The following GALNT11 variants were observed in gnomAD, a reference collection of about 807,000 sequenced individuals.
GALNT11 encodes the protein polypeptide N-acetylgalactosaminyltransferase 11.
In GALNT11, 47 loss-of-function variants were observed where a neutral mutation model predicts 72.7. That is an observed-to-expected ratio of 0.65 (90% confidence interval 0.51 to 0.82). The LOEUF is 0.82. GALNT11 is among the 40% of genes least tolerant of loss of function. GALNT11 has a pLI of 0.00. For missense variants in GALNT11, 677 were observed against 778.4 expected (o/e 0.87, Z 1.55); for synonymous variants, 270 against 286.6 (o/e 0.94, Z 0.58).
chr7:152,100,672 AG>A, intron 2 of GALNT11, 125 bp from the exon 3 acceptor site: 1 of 1,212,384 alleles, frequency 8.2e-7, no homozygotes. Context: ...AGACAACCTA[AG>A]TTTGAGAAAA....
chr7:152,050,973 T>C (rs1250842331), intron 1 of GALNT11, among the ~76,000 whole-genome samples: 1 of 152,122 alleles, frequency 6.6e-6, no homozygotes, highest in African/African-American at 2.4e-5. Flanking sequence ...ATTCTCTTTC[T>C]GTGCCACAGG....
rs760143351 is a variant in GALNT11 at position 152,117,186 on chromosome 7, G to A, written c.1263G>A (p.Leu421=). Residue 421 remains leucine (L), a synonymous_variant, in exon 9 of 12, where the codon CTG becomes CTA. Coordinates refer to ENST00000430044, the MANE Select transcript of GALNT11 (RefSeq NM_022087.4). ...KEQYFSLRPD[L]KTKSYGNISE... ...AGTATTTTTCCTTAAGACCTGACCT[G>A]AAGACGAAAAGCTATGGCAATATCA... 3 of 1,611,644 alleles carry A rather than the reference G, an allele frequency of 1.9e-6. No individual in the cohort carries two copies. Among genetic ancestry groups the A allele is most frequent in the Non-Finnish European group, 8.5e-7 (1 of 1,179,428 alleles).
chr7:152,103,547 C>G, intron 4 of GALNT11: 1 of 351,672 alleles, frequency 2.8e-6, no homozygotes, highest in South Asian at 4.3e-5. Context: ...ACTGTAGGTT[C>G]ACAGGAAGTT....
chr7:152,054,467 C>T (rs1304152059), intron 1 of GALNT11, among the ~76,000 whole-genome samples: 1 of 136,960 alleles, frequency 7.3e-6, no homozygotes, highest in African/African-American at 2.7e-5. Flanking sequence ...ATGTAGATAA[C>T]ATGAAGTTTA....
intron 1 of GALNT11, among the ~76,000 whole-genome samples, chr7:152,052,692 C>T (rs868679069): frequency 2.0e-5 from 3 of 152,290 alleles, no homozygotes; most frequent in African/African-American, 7.2e-5. Flanking sequence ...CTTCCTCCTC[C>T]ACACAGTCCT....
intron 1 of GALNT11, among the ~76,000 whole-genome samples, chr7:152,028,280 T>G (rs139892410): frequency 6.6e-6 from 1 of 152,198 alleles, no homozygotes; most frequent in Non-Finnish European, 1.5e-5. Flanking sequence ...TTTAGAGTGC[T>G]GATTGCTCTG....
intron 2 of GALNT11, among the ~76,000 whole-genome samples, chr7:152,096,722 A>G (rs2086408735): frequency 6.6e-6 from 1 of 152,068 alleles, no homozygotes; most frequent in South Asian, 2.1e-4. Flanking sequence ...CTCAAAAAAA[A>G]AAAAAAAAAA....
At chr7:152,045,805 T>C (rs1235935232) in intron 1 of GALNT11, among the ~76,000 whole-genome samples, 3 of 152,006 alleles carry the variant, frequency 2.0e-5, no homozygotes, top group Non-Finnish European at 4.4e-5. Flanking sequence ...TCTTTTTTAT[T>C]GCTTTTCTTC....
intron 1 of GALNT11, among the ~76,000 whole-genome samples, chr7:152,070,560 AG>A (rs2084577935): frequency 6.6e-6 from 1 of 152,148 alleles, no homozygotes; most frequent in Admixed American, 6.5e-5. Flanking sequence ...CTTCAAAGCT[AG>A]CAGTAGGTCA....
At chr7:152,120,692 A>C in intron 10 of GALNT11, 139 bp from the exon 11 acceptor site, 1 of 723,784 alleles carries the variant, frequency 1.4e-6, no homozygotes, top group South Asian at 1.9e-5. Context: ...ACCAAGTTGA[A>C]ATCTGCTTCC....
intron 9 of GALNT11, 43 bp from the exon 10 acceptor site, chr7:152,118,635 C>T (rs1430208121): frequency 1.2e-5 from 19 of 1,576,836 alleles, no homozygotes; most frequent in African/African-American, 1.4e-5. Flanking sequence ...GGAGGCGTCT[C>T]TGGGATTGTT....
At position 152,111,831 on chromosome 7, in the gene GALNT11, C is replaced by G. The variant is rs113418290; in HGVS notation, c.1080+1186C>G. ...GGCCTAAGACCATCCTAGTTCATAC[C>G]TGTTCTCTTGGAAAAATAAATAGCT... On this transcript the variant is annotated intron_variant, in intron 7 of 11. Transcript: ENST00000430044. Among the ~76,000 whole-genome samples, 515 of 152,172 alleles carry G rather than the reference C, an allele frequency of 3.4e-3. 2 individuals carry two copies. The highest frequency in any genetic ancestry group is 0.011 in the African/African-American group (453 of 41,496).
At chr7:152,061,526 G>T (rs1392951490) in intron 1 of GALNT11, among the ~76,000 whole-genome samples, 1 of 152,178 alleles carries the variant, frequency 6.6e-6, no homozygotes, top group Non-Finnish European at 1.5e-5. Flanking sequence ...TGCTTTTGGT[G>T]TTTTAGACAT....
At chr7:152,097,894 T>G (rs541448205) in intron 2 of GALNT11, among the ~76,000 whole-genome samples, 4 of 152,210 alleles carry the variant, frequency 2.6e-5, no homozygotes, top group Non-Finnish European at 4.4e-5. Flanking sequence ...GGTTTTCTTC[T>G]GCGGTGCTGA....
intron 2 of GALNT11, among the ~76,000 whole-genome samples, chr7:152,099,317 G>A (rs1388607043): frequency 6.6e-6 from 1 of 151,606 alleles, no homozygotes; most frequent in African/African-American, 2.4e-5. Flanking sequence ...AAGGAACAGA[G>A]TTCTACTATT....
Position 152,094,972 on chromosome 7 carries a change from T to C in GALNT11, c.295+450T>C, listed in dbSNP as rs2086281584. Among the ~76,000 whole-genome samples the C allele has an allele frequency of 6.6e-6, 1 of 152,202 alleles. No individual in the cohort carries two copies. The highest frequency in any genetic ancestry group is 1.5e-5 in the Non-Finnish European group (1 of 68,040). On this transcript the variant is annotated intron_variant, in intron 2 of 11. Transcript: ENST00000430044. This position sits in a 1 kb window ranked among gnomAD's most constrained non-coding sequence, Gnocchi z 4.3. ...AGAAGGTTTTAATTGCTAGAATTGTTAATAAGGGAAAGAAATGGTTGAAAG... is the reference window on the plus strand; with the variant it reads ...AGAAGGTTTTAATTGCTAGAATTGTCAATAAGGGAAAGAAATGGTTGAAAG...
At chr7:152,111,301 C>T (rs894288664) in intron 7 of GALNT11, among the ~76,000 whole-genome samples, 2 of 152,012 alleles carry the variant, frequency 1.3e-5, no homozygotes, top group Non-Finnish European at 2.9e-5. Flanking sequence ...AGTACAGGCG[C>T]ATGCCGCCAC....
intron 1 of GALNT11, among the ~76,000 whole-genome samples, chr7:152,086,214 G>A (rs1371147537): frequency 2.0e-5 from 3 of 151,828 alleles, no homozygotes; most frequent in Non-Finnish European, 4.4e-5. Context: ...AAGTTGAGAC[G>A]GGGTTTTACT....
chr7:152,118,714 C>T lies in GALNT11; in HGVS notation c.1489C>T (p.Gln497Ter). 6.2e-7 allele frequency: 1 copy of T among 1,611,742 alleles called. No individual in the cohort carries two copies. Among genetic ancestry groups the T allele is most frequent in the South Asian group, 1.1e-5 (1 of 90,656 alleles). ...CCAGACCAACAAATGCCTGGTGGCCCAGGGCCGCCCAAGTCAGAAGGGAGG... is the reference window on the plus strand; with the variant it reads ...CCAGACCAACAAATGCCTGGTGGCCTAGGGCCGCCCAAGTCAGAAGGGAGG... ...HLQTNKCLVA[Q>*]GRPSQKGGLV... The change falls in exon 10 of 12, where the codon CAG becomes TAG. Residue 497 changes from glutamine (Q) to a stop codon, truncating the protein, a stop_gained. Coordinates refer to ENST00000430044, the MANE Select transcript of GALNT11 (RefSeq NM_022087.4). LOFTEE classifies it high-confidence loss of function.
Sources: gnomAD v4.1 joint callset for allele counts (sites outside exome capture counted in the v4.1 genomes callset) on GRCh38, gnomAD v4.1.1 for gene constraint, Gnocchi (gnomAD v3.1) non-coding constraint, MANE v1.5 for transcripts, NCBI Gene and HGNC (gene_info 2026-07-23, HGNC 2026-07-21) for gene names.